The following UGT8 variants were observed in gnomAD, a reference collection of about 807,000 sequenced individuals.
UGT8 encodes 2-hydroxyacylsphingosine 1-beta-galactosyltransferase.
In UGT8, 12 loss-of-function variants were observed where a neutral mutation model predicts 40.5. That is an observed-to-expected ratio of 0.30 (90% CI 0.19 to 0.48). UGT8 has a LOEUF of 0.48. Among genes scored for constraint, UGT8 ranks in the 20% least tolerant of loss-of-function variants. The pLI is 0.99. For missense variants in UGT8, 513 were observed against 648.7 expected (o/e 0.79, Z 2.27); for synonymous variants, 224 against 240.4 (o/e 0.93, Z 0.63).
At chr4:114,669,664 C>T (rs1427693515) in intron 5 of UGT8, among the ~76,000 whole-genome samples, 1 of 152,100 alleles carries the variant, frequency 6.6e-6, no homozygotes, top group African/African-American at 2.4e-5. Context: ...TCTTAGGTCA[C>T]ATGGCAATTA....
At chr4:114,671,240 T>C (rs1735254257) in intron 5 of UGT8, among the ~76,000 whole-genome samples, 1 of 152,110 alleles carries the variant, frequency 6.6e-6, no homozygotes, top group African/African-American at 2.4e-5. Context: ...CCCAAAGTAA[T>C]TTATAGATTG....
Position 114,665,699 on chromosome 4 carries a change from A to G in UGT8, c.985A>G (p.Lys329Glu), listed in dbSNP as rs762408070. The G allele has an allele frequency of 6.2e-7, 1 of 1,607,498 alleles. No homozygotes were observed. The highest frequency in any genetic ancestry group is 1.3e-5 in the African/African-American group (1 of 74,478). ...VIWRFSGPKP[K>E]NLGNNTKLIE... Reference sequence around the variant, plus strand: ...TTTTAGGTTTTCTGGACCCAAACCAAAGAATCTAGGAAACAACACTAAACT... The same window carrying G: ...TTTTAGGTTTTCTGGACCCAAACCAGAGAATCTAGGAAACAACACTAAACT... Residue 329 changes from lysine (K) to glutamate (E), a missense_variant, in exon 4 of 6, where the codon AAG becomes GAG. By Grantham distance (56) the Lys-to-Glu change is moderately conservative. Around this residue, in one of 3 missense-constraint regions of UGT8, gnomAD observed 335 missense variants for 444.8 expected, o/e 0.75. Transcript: ENST00000310836.
Position 114,623,589 on chromosome 4 carries a change from T to G in UGT8, c.709T>G (p.Ser237Ala). 1 of 1,614,130 alleles carries G rather than the reference T, an allele frequency of 6.2e-7. No individual in the cohort carries two copies. Among genetic ancestry groups the G allele is most frequent in the Non-Finnish European group, 8.5e-7 (1 of 1,180,014 alleles). Residue 237 changes from serine (S) to alanine (A), a missense_variant, in exon 2 of 6, where the codon TCC (serine) becomes GCC (alanine). Coordinates refer to ENST00000310836, the MANE Select transcript of UGT8 (RefSeq NM_001128174.3). ...GTCCATGTATGATTTGGTTCATGGG[T>G]CCAGCCTGTGGATGCTGTGTACTGA... ...EKSMYDLVHG[S>A]SLWMLCTDVA...
At chr4:114,658,983 TA>T (rs140495562) in intron 2 of UGT8, among the ~76,000 whole-genome samples, 3,229 of 152,208 alleles carry the variant, frequency 0.021, 57 homozygotes, top group Non-Finnish European at 0.032. Flanking sequence ...CAGGCTGCTT[TA>T]CCGGCTTAAG....
intron 1 of UGT8, among the ~76,000 whole-genome samples, chr4:114,611,133 T>C (rs1459780093): frequency 6.6e-6 from 1 of 152,086 alleles, no homozygotes; most frequent in Non-Finnish European, 1.5e-5. Flanking sequence ...CAAAACATTT[T>C]AAAATGTCAA....
At chr4:114,616,263 C>T (rs568617111) in intron 1 of UGT8, among the ~76,000 whole-genome samples, 7 of 152,318 alleles carry the variant, frequency 4.6e-5, no homozygotes, top group East Asian at 3.9e-4. Flanking sequence ...TCGAGCTTCC[C>T]GGCCGCCTTG....
intron 1 of UGT8, among the ~76,000 whole-genome samples, chr4:114,608,275 T>C (rs1730851013): frequency 6.6e-6 from 1 of 152,162 alleles, no homozygotes; most frequent in South Asian, 2.1e-4. Flanking sequence ...GTACATATAT[T>C]GATGTTAGCA....
At chr4:114,674,309 G>C (rs1400595619) in intron 5 of UGT8, among the ~76,000 whole-genome samples, 1 of 152,100 alleles carries the variant, frequency 6.6e-6, no homozygotes, top group Non-Finnish European at 1.5e-5. Context: ...TGCCATGTGA[G>C]TCATTCAAGC....
chr4:114,655,300 T>C (rs1415613850), intron 2 of UGT8, among the ~76,000 whole-genome samples: 3 of 152,086 alleles, frequency 2.0e-5, no homozygotes, highest in Admixed American at 1.3e-4. Flanking sequence ...ATGCTGGATA[T>C]GCATGCCATT....
At chr4:114,621,307 T>C (rs1731774608) in intron 1 of UGT8, among the ~76,000 whole-genome samples, 1 of 152,140 alleles carries the variant, frequency 6.6e-6, no homozygotes, top group Non-Finnish European at 1.5e-5. Context: ...CCATTAACCC[T>C]CTTGAGCTTT....
intron 2 of UGT8, among the ~76,000 whole-genome samples, chr4:114,633,802 A>G (rs1732722537): frequency 6.6e-6 from 1 of 151,946 alleles, no homozygotes; most frequent in African/African-American, 2.4e-5. Flanking sequence ...AAATTAGCCA[A>G]GCGTGGTGGT....
chr4:114,632,645 T>A (rs1350932029), intron 2 of UGT8, among the ~76,000 whole-genome samples: 1 of 152,326 alleles, frequency 6.6e-6, no homozygotes, highest in Admixed American at 6.5e-5. Context: ...AGATTTGATT[T>A]GCACAGATCT....
At chr4:114,606,786 T>C (rs1206735830) in intron 1 of UGT8, among the ~76,000 whole-genome samples, 1 of 151,934 alleles carries the variant, frequency 6.6e-6, no homozygotes, top group Non-Finnish European at 1.5e-5. Flanking sequence ...CAAAATAAGC[T>C]CAAGAAGGAA....
intron 1 of UGT8, among the ~76,000 whole-genome samples, chr4:114,616,830 C>G (rs1731472100): frequency 6.6e-6 from 1 of 152,132 alleles, no homozygotes; most frequent in Non-Finnish European, 1.5e-5. Flanking sequence ...CTATTTTCAT[C>G]TTTAAAATAT....
chr4:114,607,952 C>G (rs1313645871), intron 1 of UGT8, among the ~76,000 whole-genome samples: 1 of 152,154 alleles, frequency 6.6e-6, no homozygotes, highest in Non-Finnish European at 1.5e-5. Flanking sequence ...CCTTACTGAC[C>G]CACTTGCCTT....
At chr4:114,618,294 T>C (rs1421924010) in intron 1 of UGT8, among the ~76,000 whole-genome samples, 2 of 152,230 alleles carry the variant, frequency 1.3e-5, no homozygotes, top group Admixed American at 6.5e-5. Context: ...TAAAATAATA[T>C]GCCAGTTGTA....
intron 1 of UGT8, chr4:114,619,407 T>C (rs1266347182): frequency 6.6e-6 from 1 of 152,076 alleles, no homozygotes; most frequent in Non-Finnish European, 1.5e-5. Context: ...TAAAATAATA[T>C]TTATTTTTAT....
At chr4:114,658,744 A>G (rs927876284) in intron 2 of UGT8, among the ~76,000 whole-genome samples, 30 of 152,340 alleles carry the variant, frequency 2.0e-4, no homozygotes, top group South Asian at 8.3e-4. Context: ...GGGGATGAGT[A>G]TATTTTTAAG....
At chr4:114,623,825 G>C (rs1344406637) in intron 2 of UGT8, 123 bp downstream of exon 2, 10 of 1,312,508 alleles carry the variant, frequency 7.6e-6, no homozygotes, top group Non-Finnish European at 9.9e-6. Context: ...AAGGTGATTA[G>C]GACATGGGGC....
Sources: gnomAD v4.1 joint callset for allele counts (sites outside exome capture counted in the v4.1 genomes callset) on GRCh38, gnomAD v4.1.1 for gene constraint, gnomAD v4.1.1 regional missense constraint, MANE v1.5 for transcripts, NCBI Gene and HGNC (gene_info 2026-07-23, HGNC 2026-07-21) for gene names.